The following CELF6 variants were observed in gnomAD, a reference collection of about 807,000 sequenced individuals.
The protein encoded by CELF6 is Bruno -like 6, RNA binding protein.
A neutral mutation model predicts 53.1 loss-of-function variants in CELF6; 32 were observed. The ratio of observed to expected loss-of-function variants is 0.60; its 90% CI spans 0.46 to 0.81. The LOEUF is 0.81. CELF6 is among the 30% of genes least tolerant of loss of function. CELF6 has a pLI of 0.00. For synonymous variants in CELF6, 291 were observed against 288.8 expected (o/e 1.01, Z -0.08); for missense variants, 539 against 669.5 (o/e 0.81, Z 2.15).
chr15:72,313,873 T>G (rs148430586), intron 2 of CELF6: 35 of 332,728 alleles, frequency 1.1e-4, no homozygotes, highest in Admixed American at 5.8e-4. Flanking sequence ...AGTGCTTATT[T>G]TCTGCCAAGA....
intron 3 of CELF6, among the ~76,000 whole-genome samples, chr15:72,295,716 ACT>A (rs1481167602): frequency 2.6e-5 from 3 of 114,088 alleles, no homozygotes; most frequent in Non-Finnish European, 3.8e-5. Context: ...ATAGTGCAAG[ACT>A]CTGTCTCAAA....
In CELF6 at chr15:72,288,699, C is replaced by G; in HGVS notation, c.1094-81G>C. The G allele has an allele frequency of 7.0e-7, 1 of 1,421,194 alleles. No individual in the cohort carries two copies. The highest frequency in any genetic ancestry group is 2.3e-5 in the East Asian group (1 of 43,092). The allele number at this position is 1,421,194 out of a possible 1,614,324, so 88.0% of individuals were successfully genotyped here. The stretch of plus-strand genomic sequence containing the variant: ...GCCCCAACTGCCTGGCCGCTTTTGA[C>G]CAATTCAGCCCAGTCCACCATAACC... On this transcript the variant is annotated intron_variant, in intron 9 of 12. Coordinates refer to ENST00000287202, the MANE Select transcript of CELF6 (RefSeq NM_052840.5). This position sits in a 1 kb window ranked among gnomAD's most constrained non-coding sequence, Gnocchi z 4.6.
Position 72,320,018 on chromosome 15 carries a change from G to T in CELF6, c.-144C>A. 1 of 734,994 alleles carries T rather than the reference G, an allele frequency of 1.4e-6. No homozygotes were observed. Among genetic ancestry groups the T allele is most frequent in the Non-Finnish European group, 2.2e-6 (1 of 454,076 alleles). 45.5% of individuals were successfully genotyped at this position (734,994 alleles called of 1,614,324 possible). A position where few individuals can be genotyped will look rare whatever the true frequency, so the allele number is the denominator to read the frequency against. On this transcript the variant is annotated 5_prime_UTR_variant, in exon 1 of 13. Transcript: ENST00000287202. ...GGGCTGCCCAGGGGGCGGGGTCCGG[G>T]TGGAGGGGCGTAGAGGGGGTGGGGC...
At chr15:72,308,637 T>C (rs7175677) in intron 2 of CELF6, among the ~76,000 whole-genome samples, 24,716 of 152,206 alleles carry the variant, frequency 0.16, 5,801 homozygotes, top group African/African-American at 0.52. Flanking sequence ...TTTGACTTTG[T>C]TGTATTTCAA....
intron 3 of CELF6, among the ~76,000 whole-genome samples, chr15:72,298,210 G>C (rs1374325734): frequency 6.6e-6 from 1 of 152,184 alleles, no homozygotes; most frequent in East Asian, 1.9e-4. Flanking sequence ...ACTGAATAAA[G>C]TGGAATCCTA....
intron 3 of CELF6, among the ~76,000 whole-genome samples, chr15:72,299,939 C>T (rs1418734884): frequency 1.3e-5 from 2 of 152,134 alleles, no homozygotes; most frequent in African/African-American, 4.8e-5. Context: ...GCCAAGGCTG[C>T]GGGAGATGGC....
chr15:72,318,803 G>C (rs1026627665), intron 1 of CELF6, among the ~76,000 whole-genome samples: 1 of 152,186 alleles, frequency 6.6e-6, no homozygotes, highest in Non-Finnish European at 1.5e-5. Context: ...GCAAAGAAGA[G>C]GCACAGGAGT....
chr15:72,289,489 C>A lies in CELF6; in HGVS notation c.766G>T (p.Ala256Ser). Residue 256 changes from alanine (A) to serine (S), a missense_variant, in exon 7 of 13, where the codon GCC becomes TCC. Physicochemically the swap from Ala to Ser is moderately conservative, Grantham distance 99. Coordinates refer to ENST00000287202, the MANE Select transcript of CELF6 (RefSeq NM_052840.5). The surrounding 1 kb of genome is among the most constrained non-coding windows in gnomAD (Gnocchi z 7.6). ...GGGCCCTGTGCCGCCGCCAGCAGGGCCGCCTGGTGCTGCAGGATCTTTGAG... is the reference window on the plus strand; with the variant it reads ...GGGCCCTGTGCCGCCGCCAGCAGGGACGCCTGGTGCTGCAGGATCTTTGAG... ...YTTAILQHQAALLAAAQGPGL... is the reference protein window; with the variant it reads ...YTTAILQHQASLLAAAQGPGL... 6.6e-7 allele frequency: 1 copy of A among 1,524,662 alleles called. No homozygotes were observed. 94.4% of individuals were successfully genotyped at this position (1,524,662 alleles called of 1,614,324 possible). A position where few individuals can be genotyped will look rare whatever the true frequency, so the allele number is the denominator to read the frequency against.
At chr15:72,306,084 C>A in intron 2 of CELF6, 1 of 985,070 alleles carries the variant, frequency 1.0e-6, no homozygotes, top group Non-Finnish European at 1.2e-6. Flanking sequence ...TATATCGCCC[C>A]CACATCCCCA....
At chr15:72,312,089 C>T (rs746157104) in intron 2 of CELF6, among the ~76,000 whole-genome samples, 11 of 152,090 alleles carry the variant, frequency 7.2e-5, no homozygotes, top group Admixed American at 1.3e-4. Context: ...TTATGCATCT[C>T]GTAAGTGGGG....
intron 11 of CELF6, 127 bp from the exon 12 acceptor site, chr15:72,287,519 T>G (rs776769094): frequency 7.8e-6 from 8 of 1,028,478 alleles, no homozygotes; most frequent in Non-Finnish European, 1.1e-5. Context: ...CCTCCACTGT[T>G]TGTGTGGATA....
intron 2 of CELF6, among the ~76,000 whole-genome samples, chr15:72,310,812 T>C (rs2088285428): frequency 6.6e-6 from 1 of 151,944 alleles, no homozygotes; most frequent in Admixed American, 6.6e-5. Context: ...TTGAACCTAG[T>C]CTCTTACTCT....
rs971597645 is a variant in CELF6, at chr15:72,285,336, C to T, written c.*1035G>A. On this transcript the variant is annotated 3_prime_UTR_variant, in exon 13 of 13. Coordinates refer to ENST00000287202, the MANE Select transcript of CELF6 (RefSeq NM_052840.5). Reference sequence around the variant, plus strand: ...AATGGCAGTATATACAGTAGCAAACCTTCCAAGTCTGTTGTCACAGCCCTC... The same window carrying T: ...AATGGCAGTATATACAGTAGCAAACTTTCCAAGTCTGTTGTCACAGCCCTC... The T allele has an allele frequency of 6.6e-6, 1 of 152,562 alleles. No homozygotes were observed. The highest frequency in any genetic ancestry group is 6.5e-5 in the Admixed American group (1 of 15,288). The allele number at this position is 152,562 out of a possible 1,614,324, so 9.5% of individuals were successfully genotyped here.
At chr15:72,317,736 C>T (rs1182510709) in intron 1 of CELF6, among the ~76,000 whole-genome samples, 4 of 152,182 alleles carry the variant, frequency 2.6e-5, no homozygotes, top group Admixed American at 2.0e-4. Context: ...TCACCAAACA[C>T]CTGATTCCAC....
At position 72,298,528 on chromosome 15, in the gene CELF6, C is replaced by A. The variant is rs576583354; in HGVS notation, c.394+6218G>T. On this transcript the variant is annotated intron_variant, in intron 3 of 12. Transcript: ENST00000287202. Reference sequence around the variant, plus strand: ...AGAGTGCATGGATTGATTACCTAACCTATTTCTGTACCTTAGGCATCTTGG... The same window carrying A: ...AGAGTGCATGGATTGATTACCTAACATATTTCTGTACCTTAGGCATCTTGG... Among the ~76,000 whole-genome samples, 3 of 152,286 alleles carry A rather than the reference C, an allele frequency of 2.0e-5. No homozygotes were observed. The South Asian group carries it at 6.2e-4, about 32-fold the overall frequency.
In CELF6 at chr15:72,288,742, C is replaced by T. The variant is rs1421314776; in HGVS notation, c.1094-124G>A. ...CCATAACCCTCACCCCAAGAGAGGT[C>T]GTTCTGGGGGTAGGAGGGGATGGGA... On this transcript the variant is annotated intron_variant, in intron 9 of 12. Transcript: ENST00000287202. The surrounding 1 kb of genome is among the most constrained non-coding windows in gnomAD (Gnocchi z 4.6). 7.4e-7 allele frequency: 1 copy of T among 1,354,474 alleles called. No homozygotes were observed. The highest frequency in any genetic ancestry group is 2.0e-5 in the Admixed American group (1 of 50,744). The allele number at this position is 1,354,474 out of a possible 1,614,324, so 83.9% of individuals were successfully genotyped here.
rs1214796276 is a variant in CELF6 at position 72,285,186 on chromosome 15, G to A, written c.*1185C>T. On this transcript the variant is annotated 3_prime_UTR_variant, in exon 13 of 13. Coordinates refer to ENST00000287202, the MANE Select transcript of CELF6 (RefSeq NM_052840.5). Reference sequence around the variant, plus strand: ...GCACATGTGAGACACTCTTGCATAGGAAAGATGTAGTTTTTAAAGGAATGA... The same window carrying A: ...GCACATGTGAGACACTCTTGCATAGAAAAGATGTAGTTTTTAAAGGAATGA... 6.6e-6 allele frequency: 1 copy of A among 152,662 alleles called. No homozygotes were observed. Among genetic ancestry groups the A allele is most frequent in the African/African-American group, 2.4e-5 (1 of 41,452 alleles). The allele number at this position is 152,662 out of a possible 1,614,324, so 9.5% of individuals were successfully genotyped here.
chr15:72,317,027 T>C lies in CELF6; in HGVS notation c.263-1100A>G, dbSNP rs756399379. ...ATTATTTCAGACAGAGGGAAAAGCA[T>C]ATATGAAGACTGAATCAAGAATTTG... On this transcript the variant is annotated intron_variant, in intron 1 of 12. Coordinates refer to ENST00000287202, the MANE Select transcript of CELF6 (RefSeq NM_052840.5). Among the ~76,000 whole-genome samples the C allele has an allele frequency of 3.3e-5, 5 of 152,288 alleles. 1 individual carries two copies. In the South Asian group the frequency reaches 1.0e-3, roughly 32 times the overall value.
chr15:72,291,034 C>T (rs1468995686), intron 3 of CELF6, among the ~76,000 whole-genome samples: 2 of 152,198 alleles, frequency 1.3e-5, no homozygotes, highest in Admixed American at 1.3e-4. Context: ...TGTCTGTATC[C>T]TTCCCTCTGA....
Sources: gnomAD v4.1 joint callset for allele counts (sites outside exome capture counted in the v4.1 genomes callset) on GRCh38, gnomAD v4.1.1 for gene constraint, Gnocchi (gnomAD v3.1) non-coding constraint, MANE v1.5 for transcripts, NCBI Gene and HGNC (gene_info 2026-07-23, HGNC 2026-07-21) for gene names.